Variants in ZPLD1 observed in about 807,000 individuals in gnomAD.
ZPLD1 encodes zona pellucida-like domain-containing protein 1.
Under a neutral mutation model 47.2 loss-of-function variants are expected in ZPLD1, and 34 were observed. The ratio of observed to expected loss-of-function variants is 0.72; its 90% confidence interval spans 0.55 to 0.96. The LOEUF (loss-of-function observed/expected upper bound fraction) is 0.96. ZPLD1 is among the 40% of genes least tolerant of loss of function. ZPLD1 has a pLI of 0.00. For missense variants in ZPLD1, 512 were observed against 505.8 expected (o/e 1.01, Z -0.12); for synonymous variants, 176 against 186.2 (o/e 0.95, Z 0.45).
intron 6 of ZPLD1, among the ~76,000 whole-genome samples, chr3:102,390,116 A>C (rs541105453): frequency 6.6e-6 from 1 of 152,218 alleles, no homozygotes; most frequent in African/African-American, 2.4e-5. Flanking sequence ...GATGGAGGCA[A>C]GAGAGTTAGG....
chr3:102,395,140 C>A (rs998152083), intron 7 of ZPLD1, among the ~76,000 whole-genome samples: 1 of 151,970 alleles, frequency 6.6e-6, no homozygotes, highest in Non-Finnish European at 1.5e-5. Flanking sequence ...ACAAAATCTC[C>A]CTACCCCAAT....
chr3:102,414,711 G>A (rs1191231596), intron 7 of ZPLD1, among the ~76,000 whole-genome samples: 1 of 151,376 alleles, frequency 6.6e-6, no homozygotes, highest in Admixed American at 6.6e-5. Flanking sequence ...ATTCTTCATT[G>A]AAACCATCGA....
At chr3:102,425,772 C>T (rs1219980969) in intron 8 of ZPLD1, among the ~76,000 whole-genome samples, 2 of 151,774 alleles carry the variant, frequency 1.3e-5, no homozygotes, top group Non-Finnish European at 2.9e-5. Flanking sequence ...TAATAATTTT[C>T]CTTCCTTTCA....
chr3:102,439,686 G>C (rs1707146072), intron 3 of ZPLD1, among the ~76,000 whole-genome samples: 1 of 152,008 alleles, frequency 6.6e-6, no homozygotes, highest in Non-Finnish European at 1.5e-5. Context: ...AATTTTGTTT[G>C]ATCTTTGTCC....
intron 7 of ZPLD1, among the ~76,000 whole-genome samples, chr3:102,402,255 T>G (rs1706630662): frequency 6.6e-6 from 1 of 151,980 alleles, no homozygotes; most frequent in Non-Finnish European, 1.5e-5. Context: ...TAGAAAAAAT[T>G]TTAAATCACT....
chr3:102,472,019 G>T (rs1057486576), intron 10 of ZPLD1, among the ~76,000 whole-genome samples: 1 of 152,106 alleles, frequency 6.6e-6, no homozygotes, highest in African/African-American at 2.4e-5. Flanking sequence ...TCAAAAGAAA[G>T]TTTTGCCTGA....
intron 1 of ZPLD1, 140 bp from the exon 2 acceptor site, chr3:102,436,719 TG>T: frequency 5.2e-6 from 1 of 190,824 alleles, no homozygotes; most frequent in Non-Finnish European, 9.7e-6. Context: ...GAAAGTTATC[TG>T]GCACAAAGTG....
In ZPLD1 at chr3:102,453,137, G is replaced by C. The variant is rs1308818581; in HGVS notation, c.325G>C (p.Val109Leu). The C allele has an allele frequency of 1.2e-6, 2 of 1,613,628 alleles. 1 individual carries two copies. The highest frequency in any genetic ancestry group is 2.2e-5 in the South Asian group (2 of 91,060). ...CTTGGAGGGCTGTGGAAACAACCTG[G>C]TGGTAAGATTAGTGTGACATTGTGT... ...STLEGCGNNL[V>L]VSTIPGVSAY... Residue 109 changes from valine (V) to leucine (L), a missense_variant and splice_region_variant, in exon 4 of 12, where the codon GTG becomes CTG. Transcript: ENST00000466937.
chr3:102,436,899 G>A lies in ZPLD1; in HGVS notation c.-83G>A. 1 of 985,454 alleles carries A rather than the reference G, an allele frequency of 1.0e-6. No homozygotes were observed. Among genetic ancestry groups the A allele is most frequent in the Non-Finnish European group, 1.2e-6 (1 of 829,932 alleles). 61.0% of individuals were successfully genotyped at this position (985,454 alleles called of 1,614,324 possible). A position where few individuals can be genotyped will look rare whatever the true frequency, so the allele number is the denominator to read the frequency against. ...TTGGGGACAACAGTGTGGGTCTAGA[G>A]TTTCCAATGTCTTCCAGGAGTTCTT... On this transcript the variant is annotated 5_prime_UTR_variant, in exon 2 of 12. Transcript: ENST00000466937.
intron 6 of ZPLD1, among the ~76,000 whole-genome samples, chr3:102,391,840 A>G (rs190877786): frequency 1.3e-5 from 2 of 152,254 alleles, no homozygotes; most frequent in East Asian, 1.9e-4. Flanking sequence ...AGACAACCTT[A>G]TGGGCACTCA....
intron 10 of ZPLD1, among the ~76,000 whole-genome samples, chr3:102,471,583 A>T (rs77853036): frequency 4.7e-4 from 71 of 152,274 alleles, no homozygotes; most frequent in African/African-American, 1.3e-3. Context: ...ATGTAAAGGG[A>T]TATAGATTTT....
At chr3:102,390,243 C>T (rs577719340) in intron 6 of ZPLD1, among the ~76,000 whole-genome samples, 133 of 152,240 alleles carry the variant, frequency 8.7e-4, no homozygotes, top group African/African-American at 2.9e-3. Flanking sequence ...AAACACACAG[C>T]GTGCTTTCTA....
intron 6 of ZPLD1, among the ~76,000 whole-genome samples, chr3:102,387,850 C>CTTTTTTT (rs1023132648): frequency 1.1e-3 from 91 of 80,642 alleles, no homozygotes; most frequent in Middle Eastern, 0.016. Context: ...CTGAGAAATT[C>CTTTTTTT]TTTTTTTTTT....
At chr3:102,473,688 G>T (rs534843697) in intron 10 of ZPLD1, among the ~76,000 whole-genome samples, 1 of 152,222 alleles carries the variant, frequency 6.6e-6, no homozygotes, top group South Asian at 2.1e-4. Context: ...TGTTTACATT[G>T]TAATACTATG....
chr3:102,427,379 T>A (rs1706961373), intron 8 of ZPLD1, among the ~76,000 whole-genome samples: 1 of 152,172 alleles, frequency 6.6e-6, no homozygotes, highest in African/African-American at 2.4e-5. Context: ...TCTTGCTGAT[T>A]TTATCTCTTA....
chr3:102,433,768 A>G (rs1707047037), upstream of ZPLD1, among the ~76,000 whole-genome samples: 2 of 152,194 alleles, frequency 1.3e-5, no homozygotes, highest in Non-Finnish European at 2.9e-5. Context: ...TGACCTCGTG[A>G]TACACCCGCC....
exon 7 of ZPLD1, chr3:102,392,225 G>A (rs1202760163): frequency 6.6e-6 from 1 of 152,082 alleles, no homozygotes; most frequent in Non-Finnish European, 1.5e-5. Flanking sequence ...GCTTAGCAAC[G>A]GTAAGAACTC....
At chr3:102,385,814 G>A (rs1039871156) in intron 6 of ZPLD1, among the ~76,000 whole-genome samples, 10 of 152,192 alleles carry the variant, frequency 6.6e-5, no homozygotes, top group Non-Finnish European at 1.5e-4. Context: ...ATAAATTTTA[G>A]TTGCAAGCAT....
intron 5 of ZPLD1, among the ~76,000 whole-genome samples, chr3:102,456,908 A>G (rs1707425729): frequency 6.6e-6 from 1 of 152,232 alleles, no homozygotes; most frequent in Admixed American, 6.5e-5. Flanking sequence ...GAAACATGGC[A>G]TGGCCTTTAG....
Sources: gnomAD v4.1 joint callset for allele counts (sites outside exome capture counted in the v4.1 genomes callset) on GRCh38, gnomAD v4.1.1 for gene constraint, MANE v1.5 for transcripts, NCBI Gene and HGNC (gene_info 2026-07-23, HGNC 2026-07-21) for gene names.